The following RHBDF1 variants were observed in gnomAD, a reference collection of about 807,000 sequenced individuals.
RHBDF1 encodes inactive rhomboid protein 1.
RHBDF1 carries 80 observed loss-of-function variants against 98.6 expected under a neutral mutation model. The observed-to-expected ratio is 0.81, with a 90% CI of 0.68 to 0.98. RHBDF1 has a LOEUF of 0.98. RHBDF1 is among the 50% of genes least tolerant of loss of function. The pLI, the probability that RHBDF1 is intolerant of heterozygous loss-of-function variation, is 0.00. For missense variants in RHBDF1, 1,116 were observed against 1,198.3 expected (o/e 0.93, Z 1.01); for synonymous variants, 512 against 486.8 (o/e 1.05, Z -0.68).
Position 65,262 on chromosome 16 carries a change from G to A in RHBDF1, c.-24-223C>T, listed in dbSNP as rs377585975. Among the ~76,000 whole-genome samples, 108 of 152,328 alleles carry A rather than the reference G, an allele frequency of 7.1e-4. 1 individual carries two copies. The highest frequency in any genetic ancestry group is 1.8e-3 in the Admixed American group (28 of 15,306). On this transcript the variant is annotated intron_variant, in intron 1 of 17. Transcript: ENST00000262316. The stretch of plus-strand genomic sequence containing the variant: ...CAGCCTAGGTCCTCAGACAACATAA[G>A]TCCATGGGACAACTATCTGAGCACA...
intron 1 of RHBDF1, among the ~76,000 whole-genome samples, chr16:70,314 A>C (rs991641246): frequency 5.3e-5 from 8 of 152,190 alleles, no homozygotes; most frequent in Non-Finnish European, 8.8e-5. Flanking sequence ...CCCAGGCTGC[A>C]GGTGGGAGAG....
rs1380293586 is a variant in RHBDF1 at position 61,180 on chromosome 16, G to A, written c.1497C>T (p.Ser499=). ...ACCTGTCGTTGCGCACGCAGCAGGC[G>A]GAGTGCTTCTCGCGCTCGCGCGCCG... ...IRSAREREKH[S]ACCVRNDRSG... is the part of the protein sequence containing the mutation. Residue 499 remains serine, a synonymous_variant, in exon 11 of 18, where the codon TCC becomes TCT. Coordinates refer to ENST00000262316, the MANE Select transcript of RHBDF1 (RefSeq NM_022450.5). The A allele has an allele frequency of 3.2e-6, 5 of 1,541,774 alleles. No individual in the cohort carries two copies. Among genetic ancestry groups the A allele is most frequent in the Admixed American group, 2.0e-5 (1 of 50,916 alleles).
intron 1 of RHBDF1, among the ~76,000 whole-genome samples, chr16:69,937 G>C (rs1317887351): frequency 4.0e-5 from 6 of 150,752 alleles, no homozygotes; most frequent in South Asian, 2.1e-4. Flanking sequence ...AGCCGCCCTA[G>C]GGCCTGTAGA....
chr16:67,557 T>C (rs962086409), intron 1 of RHBDF1, among the ~76,000 whole-genome samples: 4 of 152,148 alleles, frequency 2.6e-5, no homozygotes, highest in Non-Finnish European at 5.9e-5. Context: ...CCTGACTCCC[T>C]CCCATCTCAG....
chr16:72,503 G>A lies in RHBDF1; in HGVS notation c.-25+10C>T. On this transcript the variant is annotated intron_variant, in intron 1 of 17. Transcript: ENST00000262316. ...CCCGGAGCCCTGCGCTCCCGGCCGCGCTCACTCACTGCCGCCGCCGGGGGC... is the reference window on the plus strand; with the variant it reads ...CCCGGAGCCCTGCGCTCCCGGCCGCACTCACTCACTGCCGCCGCCGGGGGC... 1 of 978,978 alleles carries A rather than the reference G, an allele frequency of 1.0e-6. No individual in the cohort carries two copies. The highest frequency in any genetic ancestry group is 1.2e-6 in the Non-Finnish European group (1 of 825,512). The allele number at this position is 978,978 out of a possible 1,614,324, so 60.6% of individuals were successfully genotyped here.
upstream of RHBDF1, among the ~76,000 whole-genome samples, chr16:72,988 C>G (rs1004604648): frequency 6.6e-6 from 1 of 152,060 alleles, no homozygotes; most frequent in Non-Finnish European, 1.5e-5. Flanking sequence ...GGTGTGTATC[C>G]CTGGCTCCCC....
At chr16:60,890 G>A in intron 11 of RHBDF1, 1 of 592,166 alleles carries the variant, frequency 1.7e-6, no homozygotes, top group Non-Finnish European at 3.0e-6. Flanking sequence ...ACACATGCTG[G>A]AAGAGTACAC....
rs778357157 is a variant in RHBDF1 at position 59,477 on chromosome 16, C to T, written c.1835G>A (p.Arg612Gln). 4 of 1,613,482 alleles carry T rather than the reference C, an allele frequency of 2.5e-6. No individual in the cohort carries two copies. The highest frequency in any genetic ancestry group is 1.1e-5 in the South Asian group (1 of 91,070). The stretch of plus-strand genomic sequence containing the variant: ...GCCCCTCATGAAGTCACAGTACTCC[C>T]GGGAGGTGATCTCACACCTAGAAAG... ...GTKGRCEITS[R>Q]EYCDFMRGYF... is the part of the protein sequence containing the mutation. The change falls in exon 15 of 18, where the codon CGG becomes CAG. Residue 612 changes from arginine (R) to glutamine (Q), a missense_variant. Arg to Gln is a conservative substitution (Grantham distance 43). Coordinates refer to ENST00000262316, the MANE Select transcript of RHBDF1 (RefSeq NM_022450.5).
rs753480457 is a variant in RHBDF1 at position 63,031 on chromosome 16, C to T, written c.614G>A (p.Arg205Gln). The change falls in exon 5 of 18, where the codon CGG (arginine) becomes CAG (glutamine). Residue 205 changes from arginine (R) to glutamine (Q), a missense_variant. Transcript: ENST00000262316. ...SRSGFHRLPR[R>Q]RKRESVAKMS... ...CTTGGCCACCGACTCTCGCTTGCGC[C>T]GCCGCGGGAGCCGGTGGAAACCTGA... 40 of 1,612,576 alleles carry T rather than the reference C, an allele frequency of 2.5e-5. No homozygotes were observed. The South Asian group carries it at 3.2e-4, about 13-fold the overall frequency.
At chr16:60,347 C>T (rs1205938493) in intron 12 of RHBDF1, 68 bp from the exon 13 acceptor site, 75 of 1,606,126 alleles carry the variant, frequency 4.7e-5, no homozygotes, top group South Asian at 1.5e-4. Flanking sequence ...CCAGCCAAGT[C>T]GCCAACAAGA....
intron 7 of RHBDF1, 143 bp downstream of exon 7, chr16:62,394 CT>C: frequency 8.8e-7 from 1 of 1,130,726 alleles, no homozygotes; most frequent in Non-Finnish European, 1.3e-6. Flanking sequence ...TCTCCCACCC[CT>C]GGTGGCCCAG....
chr16:67,779 T>G (rs1487942839), intron 1 of RHBDF1, among the ~76,000 whole-genome samples: 3 of 152,228 alleles, frequency 2.0e-5, no homozygotes, highest in Non-Finnish European at 2.9e-5. Flanking sequence ...GGGTAGGCAC[T>G]GATCACTGAA....
At chr16:62,195 A>T (rs1031685515) in intron 7 of RHBDF1, 143 bp from the exon 8 acceptor site, 28 of 1,209,212 alleles carry the variant, frequency 2.3e-5, no homozygotes, top group Middle Eastern at 2.9e-4. Flanking sequence ...TTGCCAGTAA[A>T]AAAGCAACAC....
At chr16:75,356 C>T (rs1378424148), upstream of RHBDF1, among the ~76,000 whole-genome samples, 1 of 152,180 alleles carries the variant, frequency 6.6e-6, no homozygotes, top group Admixed American at 6.5e-5. Flanking sequence ...CCCCAGAATC[C>T]TCTGCTACCC....
upstream of RHBDF1, chr16:72,669 C>T: frequency 1.0e-6 from 1 of 980,814 alleles, no homozygotes; most frequent in Non-Finnish European, 1.2e-6. Flanking sequence ...GCGGGCCCGG[C>T]CGGAGCGGGG....
chr16:59,591 G>T, intron 14 of RHBDF1, 97 bp from the exon 15 acceptor site: 1 of 1,474,918 alleles, frequency 6.8e-7, no homozygotes, highest in Non-Finnish European at 9.3e-7. Context: ...ACCTTTGTTG[G>T]CCCCAAGGAA....
intron 1 of RHBDF1, among the ~76,000 whole-genome samples, chr16:69,676 T>C (rs1310217839): frequency 2.6e-5 from 4 of 152,126 alleles, no homozygotes; most frequent in African/African-American, 4.8e-5. Flanking sequence ...GCCTTGTCTA[T>C]TAATGGCATC....
At position 61,597 on chromosome 16, in the gene RHBDF1, C is replaced by T; in HGVS notation, c.1308G>A (p.Glu436=). ...GIAPVGFSQH[E]TVDSVLRNRG... ...CACAGGGGCTCACCGAGTCCACCGTCTCATGCTGCGAGAAGCCCACGGGCG... is the reference window on the plus strand; with the variant it reads ...CACAGGGGCTCACCGAGTCCACCGTTTCATGCTGCGAGAAGCCCACGGGCG... The change falls in exon 9 of 18, where the codon GAG becomes GAA. Residue 436 remains glutamate, a synonymous_variant. Coordinates refer to ENST00000262316, the MANE Select transcript of RHBDF1 (RefSeq NM_022450.5). 6.2e-7 allele frequency: 1 copy of T among 1,613,378 alleles called. No homozygotes were observed. Among genetic ancestry groups the T allele is most frequent in the African/African-American group, 1.3e-5 (1 of 75,050 alleles).
chr16:59,238 G>C lies in RHBDF1; in HGVS notation c.1994+11C>G. 6.3e-7 allele frequency: 1 copy of C among 1,595,770 alleles called. No homozygotes were observed. The highest frequency in any genetic ancestry group is 8.6e-7 in the Non-Finnish European group (1 of 1,168,898). On this transcript the variant is annotated intron_variant, in intron 16 of 17. Coordinates refer to ENST00000262316, the MANE Select transcript of RHBDF1 (RefSeq NM_022450.5). Reference sequence around the variant, plus strand: ...CCTGAGACCCCCGACCCGGCCCACAGTGTCACTTGCCCGGCGTGCAGGAAG... The same window carrying C: ...CCTGAGACCCCCGACCCGGCCCACACTGTCACTTGCCCGGCGTGCAGGAAG...
Sources: gnomAD v4.1 joint callset for allele counts (sites outside exome capture counted in the v4.1 genomes callset) on GRCh38, gnomAD v4.1.1 for gene constraint, MANE v1.5 for transcripts, NCBI Gene and HGNC (gene_info 2026-07-23, HGNC 2026-07-21) for gene names.